The following ARID1B variants were observed in gnomAD, a reference collection of about 807,000 sequenced individuals.
ARID1B encodes AT-rich interactive domain-containing protein 1B.
ARID1B carries 30 observed loss-of-function variants against 212.3 expected under a neutral mutation model. The ratio of observed to expected loss-of-function variants is 0.14; its 90% CI spans 0.11 to 0.19. The LOEUF (loss-of-function observed/expected upper bound fraction) is 0.19, where lower values mean the gene tolerates loss of function less well. ARID1B is among the 10% of genes least tolerant of loss of function. ARID1B has a pLI of 1.00. For missense variants in ARID1B, 2,891 were observed against 3,204.0 expected (o/e 0.90, Z 2.36); for synonymous variants, 1,402 against 1,301.7 (o/e 1.08, Z -1.66).
chr6:156,779,348 G>C lies in ARID1B; in HGVS notation c.1668G>C (p.Met556Ile). The C allele has an allele frequency of 8.4e-7, 1 of 1,189,496 alleles. No individual in the cohort carries two copies. The highest frequency in any genetic ancestry group is 1.0e-6 in the Non-Finnish European group (1 of 962,024). 73.7% of individuals were successfully genotyped at this position (1,189,496 alleles called of 1,614,324 possible). ...AAGGQQAAAG[M>I]GLGKDMGAQY... ...GCGGCCAGCAGGCGGCCGCGGGCAT[G>C]GGCTTGGGCAAGGACATGGGCGCCC... is the stretch of plus-strand genomic sequence containing the variant. The change falls in exon 1 of 20, where the codon ATG (methionine) becomes ATC (isoleucine). Residue 556 changes from methionine (M) to isoleucine (I), a missense_variant. Met to Ile is a conservative substitution (Grantham distance 10). This residue lies in a region of ARID1B where 1,643 missense variants were observed against 1,544.0 expected (regional missense o/e 1.06). Transcript: ENST00000636930.
At position 157,167,136 on chromosome 6, in the gene ARID1B, G is replaced by C. The variant is rs755525381; in HGVS notation, c.3186G>C (p.Thr1062=). ...PMNNSSSLMN[T]QAPPYSMAPA... is the part of the protein sequence containing the mutation. ...ACAACAGCTCTAGCCTGATGAACAC[G>C]CAGGCGCCGCCCTACAGCATGGCGC... is the stretch of plus-strand genomic sequence containing the variant. Residue 1062 remains threonine (T), a synonymous_variant, in exon 9 of 20, where the codon ACG becomes ACC. Coordinates refer to ENST00000636930, the MANE Select transcript of ARID1B (RefSeq NM_001374828.1). 12 of 1,611,124 alleles carry C rather than the reference G, an allele frequency of 7.4e-6. No homozygotes were observed. The highest frequency in any genetic ancestry group is 1.0e-5 in the Non-Finnish European group (12 of 1,179,994).
At chr6:157,114,815 A>G (rs1347309084) in intron 6 of ARID1B, among the ~76,000 whole-genome samples, 2 of 152,288 alleles carry the variant, frequency 1.3e-5, no homozygotes, top group East Asian at 3.9e-4. Context: ...AGATGATGCA[A>G]CCTACTTCTC....
intron 2 of ARID1B, 89 bp from the exon 3 acceptor site, chr6:156,901,287 C>A: frequency 2.1e-6 from 3 of 1,460,020 alleles, no homozygotes; most frequent in African/African-American, 1.4e-5. Flanking sequence ...GCAGAGAACC[C>A]CCTTCATGTT....
Position 156,889,003 on chromosome 6 carries a change from A to T in ARID1B, c.1987-12373A>T, listed in dbSNP as rs145181570. Among the ~76,000 whole-genome samples, 479 of 152,158 alleles carry T rather than the reference A, an allele frequency of 3.1e-3. 3 individuals are homozygous for T. Among genetic ancestry groups the T allele is most frequent in the African/African-American group, 0.01 (426 of 41,512 alleles). On this transcript the variant is annotated intron_variant, in intron 2 of 19. Coordinates refer to ENST00000636930, the MANE Select transcript of ARID1B (RefSeq NM_001374828.1). ...AGTGTGGCTCTTTTTACTGTTAAAA[A>T]TTTTTTCCTGTTTTATATTATTATA...
chr6:157,068,293 C>T (rs1417195404), intron 4 of ARID1B, among the ~76,000 whole-genome samples: 1 of 152,196 alleles, frequency 6.6e-6, no homozygotes, highest in East Asian at 1.9e-4. Context: ...AGGTGGGCCT[C>T]CTGCACAGGT....
Position 156,854,273 on chromosome 6 carries a change from C to T in ARID1B, c.1986+24852C>T, listed in dbSNP as rs557184389. On this transcript the variant is annotated intron_variant, in intron 2 of 19. Coordinates refer to ENST00000636930, the MANE Select transcript of ARID1B (RefSeq NM_001374828.1). ...TTTTCTGGCAGGGGGCACTAAGGAA[C>T]GAACGGAATTGCCAGGGTGAGCTGG... Among the ~76,000 whole-genome samples the T allele has an allele frequency of 9.2e-5, 14 of 152,264 alleles. 1 individual carries two copies. Among genetic ancestry groups the T allele is most frequent in the East Asian group, 1.9e-4 (1 of 5,190 alleles).
intron 2 of ARID1B, among the ~76,000 whole-genome samples, chr6:156,850,734 A>T (rs1296054785): frequency 6.6e-6 from 1 of 152,234 alleles, no homozygotes; most frequent in African/African-American, 2.4e-5. Flanking sequence ...TACTAAGGTT[A>T]CCTTTTGAAG....
intron 2 of ARID1B, among the ~76,000 whole-genome samples, chr6:156,884,925 A>G (rs552918259): frequency 1.3e-5 from 2 of 152,294 alleles, no homozygotes; most frequent in African/African-American, 4.8e-5. Context: ...TGCTGCTGGG[A>G]TAAAGTTTCA....
At chr6:157,010,363 T>C (rs59595092) in intron 4 of ARID1B, among the ~76,000 whole-genome samples, 4,814 of 150,346 alleles carry the variant, frequency 0.032, 260 homozygotes, top group African/African-American at 0.11. Context: ...CTAGCTCTGT[T>C]GCCAGGCTGG....
chr6:157,036,683 T>A (rs1291186507), intron 4 of ARID1B, among the ~76,000 whole-genome samples: 1 of 152,230 alleles, frequency 6.6e-6, no homozygotes, highest in Non-Finnish European at 1.5e-5. Flanking sequence ...TTGAAGATAC[T>A]CACAGATCTC....
rs1385126607 is a variant in ARID1B at position 156,779,246 on chromosome 6, G to C, written c.1566G>C (p.Glu522Asp). ...GGAGCTACGGCGGCAGCTACCCCGA[G>C]TACAGCAGCCCCAGCGCGCCGCCGC... is the stretch of plus-strand genomic sequence containing the variant. ...MMRSYGGSYP[E>D]YSSPSAPPPP... Residue 522 changes from glutamate to aspartate, a missense_variant, in exon 1 of 20, where the codon GAG (glutamate) becomes GAC (aspartate). Around this residue, in one of 7 missense-constraint regions of ARID1B, gnomAD observed 1,643 missense variants for 1,544.0 expected, o/e 1.06. Transcript: ENST00000636930. The C allele has an allele frequency of 2.5e-6, 3 of 1,195,228 alleles. No individual in the cohort carries two copies. The highest frequency in any genetic ancestry group is 3.1e-6 in the Non-Finnish European group (3 of 956,516). 74.0% of individuals were successfully genotyped at this position (1,195,228 alleles called of 1,614,324 possible). A position where few individuals can be genotyped will look rare whatever the true frequency, so the allele number is the denominator to read the frequency against.
chr6:156,853,660 G>A (rs1043216703), intron 2 of ARID1B, among the ~76,000 whole-genome samples: 10 of 152,086 alleles, frequency 6.6e-5, no homozygotes, highest in Admixed American at 2.6e-4. Context: ...GAGCTCTGAG[G>A]CTCAGCCCTA....
At chr6:156,799,437 A>G (rs1272185453) in intron 1 of ARID1B, among the ~76,000 whole-genome samples, 2 of 152,208 alleles carry the variant, frequency 1.3e-5, no homozygotes, top group Non-Finnish European at 2.9e-5. Context: ...AGGTGGCGTT[A>G]TGATAGATTT....
At chr6:157,149,025 C>A in intron 8 of ARID1B, 74 bp downstream of exon 8, 1 of 1,433,826 alleles carries the variant, frequency 7.0e-7, no homozygotes, top group Non-Finnish European at 9.5e-7. Context: ...GCGCACATAG[C>A]TGCATTGTTC....
intron 4 of ARID1B, among the ~76,000 whole-genome samples, chr6:157,069,350 G>T (rs1357464720): frequency 1.3e-5 from 2 of 152,186 alleles, no homozygotes; most frequent in Non-Finnish European, 2.9e-5. Flanking sequence ...CCTGAGGACT[G>T]TTTATGGCCT....
In ARID1B at chr6:157,200,874, A is replaced by G. The variant is rs1444494863; in HGVS notation, c.4649A>G (p.Tyr1550Cys). 1.9e-6 allele frequency: 3 copies of G among 1,614,024 alleles called. No individual in the cohort carries two copies. Among genetic ancestry groups the G allele is most frequent in the Non-Finnish European group, 8.5e-7 (1 of 1,180,016 alleles). The change falls in exon 18 of 20, where the codon TAC (tyrosine) becomes TGC (cysteine). Residue 1550 changes from tyrosine to cysteine, a missense_variant. Physicochemically the swap from Tyr to Cys is radical, Grantham distance 194. Transcript: ENST00000636930. This position sits in a 1 kb window ranked among gnomAD's most constrained non-coding sequence, Gnocchi z 4.3. ...RPIQGQYPYPYSRERMQGPGQ... is the reference protein window; with the variant it reads ...RPIQGQYPYPCSRERMQGPGQ... The stretch of plus-strand genomic sequence containing the variant: ...ATCCAGGGCCAGTACCCGTATCCCT[A>G]CAGCAGGGAGAGGATGCAGGGCCCG...
At chr6:156,953,972 C>T (rs1235514798) in intron 4 of ARID1B, among the ~76,000 whole-genome samples, 2 of 152,094 alleles carry the variant, frequency 1.3e-5, no homozygotes, top group Non-Finnish European at 2.9e-5. Context: ...AGGATAAAAG[C>T]ATTATTCCAT....
At position 156,822,473 on chromosome 6, in the gene ARID1B, TGTCATTGG is replaced by T. The variant is rs368278764; in HGVS notation, c.1792-6752_1792-6745del. Among the ~76,000 whole-genome samples the T allele has an allele frequency of 3.5e-4, 54 of 152,346 alleles. 1 individual carries two copies. The highest frequency in any genetic ancestry group is 1.2e-3 in the African/African-American group (48 of 41,580). ...GCTCTGCTACCGTGAGCCTCCTTTG[TGTCATTGG>T]GCATGAGAGAATCTCTTTGGCGATT... is the stretch of plus-strand genomic sequence containing the variant. On this transcript the variant is annotated intron_variant, in intron 1 of 19. Transcript: ENST00000636930.
chr6:157,088,851 A>G (rs1785110860), intron 5 of ARID1B, among the ~76,000 whole-genome samples: 6 of 152,202 alleles, frequency 3.9e-5, no homozygotes, highest in Admixed American at 3.9e-4. Flanking sequence ...TGAACCATAC[A>G]TGCCATGTAG....
Sources: allele counts gnomAD v4.1 joint callset (sites outside exome capture counted in the v4.1 genomes callset), GRCh38; gene constraint gnomAD v4.1.1; regional missense constraint gnomAD v4.1.1; non-coding constraint Gnocchi (gnomAD v3.1); transcripts MANE v1.5; gene names NCBI Gene and HGNC (gene_info 2026-07-23, HGNC 2026-07-21).